Variants in RAB31 observed in about 807,000 individuals in gnomAD.
The protein encoded by RAB31 is RAB31, member RAS oncogene family, also known as ras-related protein Rab-31.
Under a neutral mutation model 25.6 loss-of-function variants are expected in RAB31, and 21 were observed. The ratio of observed to expected loss-of-function variants is 0.82; its 90% confidence interval spans 0.58 to 1.18. The LOEUF is 1.18. Among genes scored for constraint, RAB31 ranks in the 50% most tolerant of loss-of-function variants. The probability of loss-of-function intolerance (pLI) is 0.00; values close to 1 mark genes in which losing one functional copy is unlikely to be tolerated. For synonymous variants in RAB31, 87 were observed against 84.0 expected, an observed-to-expected ratio of 1.04 and a Z score of -0.20; for missense variants, 196 against 250.1, an observed-to-expected ratio of 0.78 and a Z score of 1.46.
intron 1 of RAB31, among the ~76,000 whole-genome samples, chr18:9,739,872 G>T (rs1031559): frequency 6.6e-5 from 10 of 152,064 alleles, no homozygotes; most frequent in Non-Finnish European, 1.5e-4. Flanking sequence ...TAAAACTCAG[G>T]GTTCTTTTTC....
intron 1 of RAB31, among the ~76,000 whole-genome samples, chr18:9,720,674 C>CT (rs796200232): frequency 0.13 from 16,915 of 134,014 alleles, 2,150 homozygotes; most frequent in African/African-American, 0.34. Flanking sequence ...GTAATTTTCT[C>CT]TTTTTTTTTT....
chr18:9,718,656 A>T (rs1410869400), intron 1 of RAB31, among the ~76,000 whole-genome samples: 2 of 152,218 alleles, frequency 1.3e-5, no homozygotes. Context: ...AGCACCATAG[A>T]CTGGGGGCTG....
intron 1 of RAB31, among the ~76,000 whole-genome samples, chr18:9,754,469 G>A (rs146668729): frequency 2.6e-3 from 389 of 152,074 alleles, no homozygotes; most frequent in African/African-American, 4.9e-3. Context: ...TAGTAGAGAC[G>A]GGGTTTCACC....
At chr18:9,780,989 GTACCTCGTTGGGCATAGA>G (rs1395661741) in intron 2 of RAB31, among the ~76,000 whole-genome samples, 1 of 152,038 alleles carries the variant, frequency 6.6e-6, no homozygotes, top group Non-Finnish European at 1.5e-5. Flanking sequence ...ATGTTATGAT[GTACCTCGTTGGGCATAGA>G]TACCCATGTA....
chr18:9,851,060 A>T (rs1170317482), intron 6 of RAB31, among the ~76,000 whole-genome samples: 1 of 152,198 alleles, frequency 6.6e-6, no homozygotes, highest in East Asian at 1.9e-4. Flanking sequence ...AGCAGGTTAA[A>T]GTAATTTTAA....
intron 1 of RAB31, chr18:9,723,734 G>T (rs1352057973): frequency 6.6e-6 from 1 of 152,114 alleles, no homozygotes; most frequent in East Asian, 1.9e-4. Flanking sequence ...ATACAAGAGA[G>T]CAAAACCAAA....
intron 1 of RAB31, among the ~76,000 whole-genome samples, chr18:9,738,943 G>A (rs972923491): frequency 1.3e-5 from 2 of 152,218 alleles, no homozygotes; most frequent in Non-Finnish European, 2.9e-5. Flanking sequence ...GGTGTCCGCT[G>A]AAGAATCAGT....
chr18:9,732,220 G>A (rs1004461498), intron 1 of RAB31, among the ~76,000 whole-genome samples: 1 of 152,180 alleles, frequency 6.6e-6, no homozygotes, highest in Non-Finnish European at 1.5e-5. Flanking sequence ...CTTCGTCCAG[G>A]GGGACGTGGA....
intron 1 of RAB31, among the ~76,000 whole-genome samples, chr18:9,718,450 G>A (rs1256490383): frequency 6.6e-6 from 1 of 151,618 alleles, no homozygotes; most frequent in Admixed American, 6.6e-5. Flanking sequence ...GTAGAGATGG[G>A]GTTTCACTAT....
At chr18:9,792,074 T>G in intron 2 of RAB31, 80 bp from the exon 3 acceptor site, 1 of 1,525,004 alleles carries the variant, frequency 6.6e-7, no homozygotes. Context: ...TGCTGAGGTG[T>G]AGCATTTAAC....
chr18:9,750,170 G>GA (rs58337947), intron 1 of RAB31, among the ~76,000 whole-genome samples: 70,110 of 151,896 alleles, frequency 0.46, 16,240 homozygotes, highest in South Asian at 0.52. Flanking sequence ...CTTTTGTGAA[G>GA]AGGGAAGAAA....
intron 1 of RAB31, among the ~76,000 whole-genome samples, chr18:9,747,435 A>G (rs1325260428): frequency 6.6e-6 from 1 of 152,252 alleles, no homozygotes; most frequent in Non-Finnish European, 1.5e-5. Context: ...TTGTACATTC[A>G]TAATAGCCAA....
At chr18:9,711,445 T>G (rs1363802961) in intron 1 of RAB31, among the ~76,000 whole-genome samples, 3 of 152,332 alleles carry the variant, frequency 2.0e-5, no homozygotes, top group East Asian at 3.9e-4. Context: ...CCATCCTGGC[T>G]CACTGCAGCC....
chr18:9,838,873 C>T (rs1186971839), intron 5 of RAB31, among the ~76,000 whole-genome samples: 1 of 152,160 alleles, frequency 6.6e-6, no homozygotes, highest in Admixed American at 6.5e-5. Flanking sequence ...GCCTCTTGTC[C>T]CGGATCTTTT....
chr18:9,832,250 C>T (rs1470960067), intron 5 of RAB31, among the ~76,000 whole-genome samples: 1 of 152,204 alleles, frequency 6.6e-6, no homozygotes, highest in Non-Finnish European at 1.5e-5. Flanking sequence ...TCACCCATGC[C>T]AGAGGTCAGT....
intron 5 of RAB31, among the ~76,000 whole-genome samples, chr18:9,818,902 A>T (rs1405095033): frequency 6.6e-6 from 1 of 152,260 alleles, no homozygotes; most frequent in Admixed American, 6.5e-5. Flanking sequence ...ATGTCTTTTC[A>T]TATGTTTATT....
intron 2 of RAB31, among the ~76,000 whole-genome samples, chr18:9,776,674 A>G (rs1257524754): frequency 6.6e-6 from 1 of 152,218 alleles, no homozygotes. Flanking sequence ...AGTCACAGAC[A>G]GAGGCAATAG....
chr18:9,776,283 G>A (rs1170948490), intron 2 of RAB31, among the ~76,000 whole-genome samples: 3 of 152,190 alleles, frequency 2.0e-5, no homozygotes, highest in East Asian at 1.9e-4. Context: ...TTCTTAGAAC[G>A]TGGCCTCTGC....
chr18:9,709,736 C>T (rs184364587), intron 1 of RAB31, among the ~76,000 whole-genome samples: 1 of 152,324 alleles, frequency 6.6e-6, no homozygotes, highest in Admixed American at 6.5e-5. Context: ...ATCCCCACCT[C>T]CCCCGACTTG....
Sources: gnomAD v4.1 joint callset for allele counts (sites outside exome capture counted in the v4.1 genomes callset) on GRCh38, gnomAD v4.1.1 for gene constraint, MANE v1.5 for transcripts, NCBI Gene and HGNC (gene_info 2026-07-23, HGNC 2026-07-21) for gene names.